TXNDC16: variants seen among roughly 807,000 people sequenced by gnomAD.
TXNDC16 encodes the protein thioredoxin domain-containing protein 16.
Under a neutral mutation model 85.6 loss-of-function variants are expected in TXNDC16, and 74 were observed. The ratio of observed to expected loss-of-function variants is 0.86; its 90% CI spans 0.72 to 1.05. The LOEUF (loss-of-function observed/expected upper bound fraction) is 1.05. Ranked by LOEUF, TXNDC16 falls within the 50% of genes least tolerant of loss-of-function variation. The pLI is 0.00. For missense variants in TXNDC16, 959 were observed against 947.0 expected (o/e 1.01, Z -0.17); for synonymous variants, 335 against 326.5 (o/e 1.03, Z -0.28).
chr14:52,532,938 T>G (rs547637274), intron 6 of TXNDC16, among the ~76,000 whole-genome samples: 2 of 152,214 alleles, frequency 1.3e-5, no homozygotes, highest in Non-Finnish European at 1.5e-5. Context: ...GTAAATATCG[T>G]TACTGGGAAA....
rs1281635036 is a variant in TXNDC16 at position 52,529,859 on chromosome 14, T to A, written c.392+6860A>T. 1.2e-3 allele frequency among the ~76,000 whole-genome samples: 125 copies of A among 105,452 alleles called. 1 individual carries two copies. Among genetic ancestry groups the A allele is most frequent in the African/African-American group, 5.0e-3 (121 of 24,064 alleles). 69.2% of individuals were successfully genotyped at this position (105,452 alleles called of 152,430 possible). On this transcript the variant is annotated intron_variant, in intron 6 of 20. Transcript: ENST00000281741. ...CTATATATAATAAATACCTATTATA[T>A]ATAATATGATACCTATTATATATAT...
chr14:52,505,242 C>A (rs1342887497), intron 9 of TXNDC16, among the ~76,000 whole-genome samples: 1 of 152,214 alleles, frequency 6.6e-6, no homozygotes, highest in Non-Finnish European at 1.5e-5. Flanking sequence ...CTACAGAACT[C>A]TCCACCCCAA....
chr14:52,535,822 A>G (rs1159912360), intron 6 of TXNDC16, among the ~76,000 whole-genome samples: 1 of 152,152 alleles, frequency 6.6e-6, no homozygotes, highest in Non-Finnish European at 1.5e-5. Context: ...ATCCAGAAAG[A>G]AACCCAGCTG....
At chr14:52,450,886 C>T (rs980232787) in intron 18 of TXNDC16, among the ~76,000 whole-genome samples, 2 of 150,374 alleles carry the variant, frequency 1.3e-5, no homozygotes, top group African/African-American at 4.9e-5. Flanking sequence ...TATATACACA[C>T]ACACACACAT....
chr14:52,502,871 C>T (rs951363468), intron 9 of TXNDC16, among the ~76,000 whole-genome samples: 2 of 152,202 alleles, frequency 1.3e-5, no homozygotes, highest in Admixed American at 1.3e-4. Context: ...GGGTCACTCC[C>T]ACCCTAACAC....
rs2037519983 is a variant in TXNDC16, at chr14:52,530,465, T to TAA, written c.392+6253_392+6254insTT. Among the ~76,000 whole-genome samples, 2 of 716 alleles carry TAA rather than the reference T, an allele frequency of 2.8e-3. 1 individual carries two copies. Among genetic ancestry groups the TAA allele is most frequent in the Non-Finnish European group, 5.0e-3 (2 of 398 alleles). The allele number at this position is 716 out of a possible 152,430, so 0.5% of individuals were successfully genotyped here. A position where few individuals can be genotyped will look rare whatever the true frequency, so the allele number is the denominator to read the frequency against. Reference sequence around the variant, plus strand: ...ATATATTATTATATAATAATATATATTATATATTATTATATATAATATTAT... The same window carrying TAA: ...ATATATTATTATATAATAATATATATAATATATATTATTATATATAATATTAT... On this transcript the variant is annotated intron_variant, in intron 6 of 20. Transcript: ENST00000281741.
At position 52,457,190 on chromosome 14, in the gene TXNDC16, G is replaced by A. The variant is rs766312713; in HGVS notation, c.1619-16C>T. 4.5e-5 allele frequency: 66 copies of A among 1,472,882 alleles called. No homozygotes were observed. Among genetic ancestry groups the A allele is most frequent in the Non-Finnish European group, 5.5e-5 (59 of 1,082,028 alleles). 91.2% of individuals were successfully genotyped at this position (1,472,882 alleles called of 1,614,324 possible). A position where few individuals can be genotyped will look rare whatever the true frequency, so the allele number is the denominator to read the frequency against. Reference sequence around the variant, plus strand: ...TCTTCTTTTGCTATAAATACATAGAGAAGACAAAAATCTGAAACCTTTATA... The same window carrying A: ...TCTTCTTTTGCTATAAATACATAGAAAAGACAAAAATCTGAAACCTTTATA... On this transcript the variant is annotated splice_polypyrimidine_tract_variant and intron_variant, in intron 16 of 20. Coordinates refer to ENST00000281741, the MANE Select transcript of TXNDC16 (RefSeq NM_020784.3).
chr14:52,497,399 T>G (rs2036556685), intron 9 of TXNDC16, among the ~76,000 whole-genome samples: 1 of 152,148 alleles, frequency 6.6e-6, no homozygotes, highest in Admixed American at 6.5e-5. Flanking sequence ...ACTAAACATT[T>G]AAAGAAATAA....
Position 52,490,424 on chromosome 14 carries a change from T to C in TXNDC16, c.951A>G (p.Gln317=), listed in dbSNP as rs752951421. The C allele has an allele frequency of 1.2e-5, 20 of 1,602,700 alleles. 1 individual carries two copies. In the Middle Eastern group the frequency reaches 1.8e-3, roughly 147 times the overall value. The change falls in exon 11 of 21, where the codon CAA becomes CAG. Residue 317 remains glutamine (Q), a synonymous_variant. Transcript: ENST00000281741. ...LRDSLEVNIP[Q]DANVVFKRAE... The stretch of plus-strand genomic sequence containing the variant: ...CTCTTTTGAAGACCACATTAGCATC[T>C]TGAGGAATGTTCACTTCCAAAGAGT...
chr14:52,535,980 C>T (rs181782834), intron 6 of TXNDC16, among the ~76,000 whole-genome samples: 1 of 151,860 alleles, frequency 6.6e-6, no homozygotes, highest in East Asian at 1.9e-4. Flanking sequence ...GCCAATATCA[C>T]GCCACTGTGC....
chr14:52,437,460 A>G (rs1281022929), intron 20 of TXNDC16, among the ~76,000 whole-genome samples: 1 of 152,166 alleles, frequency 6.6e-6, no homozygotes, highest in Non-Finnish European at 1.5e-5. Context: ...ATTATTAGAC[A>G]AAAACATTAT....
rs1430439935 is a variant in TXNDC16 at position 52,470,049 on chromosome 14, T to A, written c.1606A>T (p.Thr536Ser). 1 of 1,608,388 alleles carries A rather than the reference T, an allele frequency of 6.2e-7. No individual in the cohort carries two copies. The highest frequency in any genetic ancestry group is 8.5e-7 in the Non-Finnish European group (1 of 1,178,152). The change falls in exon 16 of 21, where the codon ACC (threonine) becomes TCC (serine). Residue 536 changes from threonine (T) to serine (S), a missense_variant. Coordinates refer to ENST00000281741, the MANE Select transcript of TXNDC16 (RefSeq NM_020784.3). ...SVSVLGLFSP[T>S]MKTAKEDFSE... Reference sequence around the variant, plus strand: ...CAGCTCTGCTTACCTGTTTTCATGGTTGGACTAAATAGTCCCAATACTGAC... The same window carrying A: ...CAGCTCTGCTTACCTGTTTTCATGGATGGACTAAATAGTCCCAATACTGAC...
At chr14:52,493,938 G>A (rs1045175480) in intron 9 of TXNDC16, among the ~76,000 whole-genome samples, 6 of 151,730 alleles carry the variant, frequency 4.0e-5, no homozygotes, top group South Asian at 2.1e-4. Flanking sequence ...GCATCACCAA[G>A]CCCAGCTAAT....
chr14:52,534,743 T>G (rs1226881053), intron 6 of TXNDC16, among the ~76,000 whole-genome samples: 2 of 152,202 alleles, frequency 1.3e-5, no homozygotes, highest in African/African-American at 4.8e-5. Context: ...TTAATAATAT[T>G]TTCTGTTTAT....
chr14:52,505,485 G>C, intron 9 of TXNDC16, among the ~76,000 whole-genome samples: 1 of 152,190 alleles, frequency 6.6e-6, no homozygotes, highest in East Asian at 1.9e-4. Flanking sequence ...ATAACGAAAT[G>C]AAGGCAGAAA....
At chr14:52,540,378 A>G (rs888771520) in intron 4 of TXNDC16, among the ~76,000 whole-genome samples, 29 of 152,164 alleles carry the variant, frequency 1.9e-4, no homozygotes, top group African/African-American at 6.5e-4. Context: ...TAATCCCAGC[A>G]CTTTGGGAGG....
At chr14:52,466,319 G>A (rs1017220383) in intron 16 of TXNDC16, among the ~76,000 whole-genome samples, 18 of 145,800 alleles carry the variant, frequency 1.2e-4, no homozygotes, top group African/African-American at 4.1e-4. Context: ...CCTGAACCTG[G>A]GAGGCAGAGG....
chr14:52,478,238 A>G (rs568263068), intron 14 of TXNDC16, among the ~76,000 whole-genome samples: 29 of 152,280 alleles, frequency 1.9e-4, no homozygotes, highest in African/African-American at 6.5e-4. Flanking sequence ...AAAGAGCACA[A>G]ACAGACAATC....
intron 8 of TXNDC16, among the ~76,000 whole-genome samples, chr14:52,512,509 G>T (rs1472690993): frequency 6.6e-6 from 1 of 152,148 alleles, no homozygotes; most frequent in Admixed American, 6.6e-5. Context: ...ACTTGTTGAG[G>T]AGATTCCTGA....
Sources: gnomAD v4.1 joint callset for allele counts (sites outside exome capture counted in the v4.1 genomes callset) on GRCh38, gnomAD v4.1.1 for gene constraint, MANE v1.5 for transcripts, NCBI Gene and HGNC (gene_info 2026-07-23, HGNC 2026-07-21) for gene names.